RFTN2: variants seen among roughly 807,000 people sequenced by gnomAD.
RFTN2 encodes raftlin-2.
A neutral mutation model predicts 52.7 loss-of-function variants in RFTN2; 34 were observed. That is an observed-to-expected ratio of 0.64 (90% confidence interval 0.49 to 0.86). RFTN2 has a LOEUF of 0.86. Ranked by LOEUF, RFTN2 falls within the 40% of genes least tolerant of loss-of-function variation. The pLI, the probability that RFTN2 is intolerant of heterozygous loss-of-function variation, is 0.00. For missense variants in RFTN2, 536 were observed against 600.1 expected (o/e 0.89, Z 1.12); for synonymous variants, 203 against 217.7 (o/e 0.93, Z 0.59).
At chr2:197,605,474 C>T (rs574466727) in intron 7 of RFTN2, among the ~76,000 whole-genome samples, 1 of 152,282 alleles carries the variant, frequency 6.6e-6, no homozygotes, top group Non-Finnish European at 1.5e-5. Flanking sequence ...CTTGGCCTCC[C>T]AAAGTGCTGA....
At chr2:197,670,294 T>G (rs1036833099) in intron 1 of RFTN2, among the ~76,000 whole-genome samples, 2 of 152,234 alleles carry the variant, frequency 1.3e-5, no homozygotes, top group African/African-American at 4.8e-5. Context: ...CTTTTGTTTT[T>G]TGGAGTTCCG....
At chr2:197,589,493 G>T (rs2087661956) in intron 8 of RFTN2, among the ~76,000 whole-genome samples, 1 of 152,114 alleles carries the variant, frequency 6.6e-6, no homozygotes, top group South Asian at 2.1e-4. Flanking sequence ...GTGTATGAGG[G>T]TTCTGATTGC....
chr2:197,671,456 C>A (rs2089146165), intron 1 of RFTN2, among the ~76,000 whole-genome samples: 2 of 152,322 alleles, frequency 1.3e-5, no homozygotes, highest in African/African-American at 4.8e-5. Flanking sequence ...TTCACTCATT[C>A]AACAAAGAAT....
At chr2:197,673,755 A>G (rs1021395336) in intron 1 of RFTN2, among the ~76,000 whole-genome samples, 4 of 152,250 alleles carry the variant, frequency 2.6e-5, no homozygotes, top group Non-Finnish European at 4.4e-5. Context: ...ATTTATACAA[A>G]TTTGTTTGAG....
At chr2:197,611,027 G>T (rs1005717647) in intron 7 of RFTN2, among the ~76,000 whole-genome samples, 1 of 152,176 alleles carries the variant, frequency 6.6e-6, no homozygotes, top group Non-Finnish European at 1.5e-5. Context: ...GTATTTTATT[G>T]ATGAGCTTCA....
intron 5 of RFTN2, among the ~76,000 whole-genome samples, chr2:197,618,534 C>T (rs1452786522): frequency 8.6e-5 from 13 of 150,866 alleles, no homozygotes; most frequent in Non-Finnish European, 1.2e-4. Context: ...GGAGCGTCTC[C>T]GCCTGGCCGC....
At chr2:197,576,569 T>C (rs1337141493) in intron 8 of RFTN2, among the ~76,000 whole-genome samples, 1 of 152,204 alleles carries the variant, frequency 6.6e-6, no homozygotes, top group Non-Finnish European at 1.5e-5. Flanking sequence ...AGAAATCAGA[T>C]ACCCAGGCTG....
At chr2:197,643,338 C>G (rs1156305717) in intron 3 of RFTN2, among the ~76,000 whole-genome samples, 1 of 152,160 alleles carries the variant, frequency 6.6e-6, no homozygotes, top group African/African-American at 2.4e-5. Flanking sequence ...AGTGATCCTC[C>G]TGCCTCGGCC....
At chr2:197,616,020 G>T in intron 6 of RFTN2, 41 bp from the exon 7 acceptor site, 1 of 1,185,158 alleles carries the variant, frequency 8.4e-7, no homozygotes, top group Middle Eastern at 1.9e-4. Context: ...TAATGGCAAA[G>T]ACAACCAACT....
intron 5 of RFTN2, among the ~76,000 whole-genome samples, chr2:197,623,566 C>T (rs1574716928): frequency 6.6e-6 from 1 of 152,224 alleles, no homozygotes; most frequent in Non-Finnish European, 1.5e-5. Flanking sequence ...GCAACCTCCA[C>T]TTCCCAGGTT....
At position 197,629,898 on chromosome 2, in the gene RFTN2, A is replaced by C. The variant is rs191134605; in HGVS notation, c.928+1113T>G. ...GCCACCATGCCTGACTAACGTTTGC[A>C]TTTTTTGTAGAGATGAGGTTTCGCC... On this transcript the variant is annotated intron_variant, in intron 5 of 8. Coordinates refer to ENST00000295049, the MANE Select transcript of RFTN2 (RefSeq NM_144629.3). Among the ~76,000 whole-genome samples the C allele has an allele frequency of 2.1e-3, 326 of 151,794 alleles. 1 individual carries two copies. The highest frequency in any genetic ancestry group is 7.5e-3 in the African/African-American group (310 of 41,376).
intron 7 of RFTN2, among the ~76,000 whole-genome samples, chr2:197,607,285 A>C (rs1361445368): frequency 6.6e-6 from 1 of 152,132 alleles, no homozygotes; most frequent in Non-Finnish European, 1.5e-5. Flanking sequence ...AACAACGAGA[A>C]CACATGGACA....
intron 7 of RFTN2, among the ~76,000 whole-genome samples, chr2:197,600,355 G>T (rs930147693): frequency 1.3e-5 from 2 of 152,080 alleles, no homozygotes; most frequent in African/African-American, 4.8e-5. Flanking sequence ...TACCTCTTGG[G>T]GACGTCCTCA....
chr2:197,658,331 C>T lies in RFTN2; in HGVS notation c.140-11665G>A, dbSNP rs186112838. ...TGCTGCCCAGGTTGGACTGCAATGG[C>T]GCCATCTTGACTCACCGCAGTCTCG... is the stretch of plus-strand genomic sequence containing the variant. On this transcript the variant is annotated intron_variant, in intron 1 of 8. Coordinates refer to ENST00000295049, the MANE Select transcript of RFTN2 (RefSeq NM_144629.3). Among the ~76,000 whole-genome samples, 72 of 152,164 alleles carry T rather than the reference C, an allele frequency of 4.7e-4. 1 individual carries two copies. The highest frequency in any genetic ancestry group is 4.3e-3 in the Admixed American group (65 of 15,286).
intron 1 of RFTN2, among the ~76,000 whole-genome samples, chr2:197,659,328 G>T (rs1279776324): frequency 2.0e-5 from 3 of 151,586 alleles, no homozygotes; most frequent in Admixed American, 6.6e-5. Context: ...GTGAAACCCC[G>T]TCTCTACTAA....
At chr2:197,587,718 C>A (rs990090821) in intron 8 of RFTN2, among the ~76,000 whole-genome samples, 1 of 152,192 alleles carries the variant, frequency 6.6e-6, no homozygotes, top group Non-Finnish European at 1.5e-5. Flanking sequence ...CACACAGACA[C>A]GTGTGACATG....
At chr2:197,633,288 G>A (rs547464500) in intron 4 of RFTN2, among the ~76,000 whole-genome samples, 28 of 152,158 alleles carry the variant, frequency 1.8e-4, no homozygotes, top group Non-Finnish European at 7.4e-5. Context: ...ATCAAAGAAA[G>A]CCAATTAATT....
At chr2:197,671,914 T>A (rs1359988935) in intron 1 of RFTN2, among the ~76,000 whole-genome samples, 1 of 152,208 alleles carries the variant, frequency 6.6e-6, no homozygotes, top group Non-Finnish European at 1.5e-5. Context: ...TACAAGGAGG[T>A]AAATTAATCC....
At chr2:197,639,866 TG>T (rs1170131143) in intron 3 of RFTN2, among the ~76,000 whole-genome samples, 1 of 145,338 alleles carries the variant, frequency 6.9e-6, no homozygotes, top group South Asian at 2.3e-4. Context: ...CCCATCTTTG[TG>T]GTTTTATCTA....
Sources: gnomAD v4.1 joint callset for allele counts (sites outside exome capture counted in the v4.1 genomes callset) on GRCh38, gnomAD v4.1.1 for gene constraint, MANE v1.5 for transcripts, NCBI Gene and HGNC (gene_info 2026-07-23, HGNC 2026-07-21) for gene names.